The following AQR variants were observed in gnomAD, a reference collection of about 807,000 sequenced individuals.
The protein encoded by AQR is aquarius intron-binding spliceosomal factor.
Under a neutral mutation model 180.5 loss-of-function variants are expected in AQR, and 61 were observed. The ratio of observed to expected loss-of-function variants is 0.34; its 90% CI spans 0.28 to 0.42. The LOEUF (loss-of-function observed/expected upper bound fraction) is 0.42. Among genes scored for constraint, AQR ranks in the 10% least tolerant of loss-of-function variants. The pLI, the probability that AQR is intolerant of heterozygous loss-of-function variation, is 1.00. For missense variants in AQR, 1,281 were observed against 1,798.3 expected (o/e 0.71, Z 5.20); for synonymous variants, 551 against 588.8 (o/e 0.94, Z 0.93).
At position 34,969,630 on chromosome 15, in the gene AQR, C is replaced by A. The variant is rs369503873; in HGVS notation, c.-17G>T. ...GGCTGCCATGGCAGCACTCTTCCCT[C>A]CACTCCAGTGGAAACTAAAGGACCG... On this transcript the variant is annotated 5_prime_UTR_variant, in exon 1 of 35. Coordinates refer to ENST00000156471, the MANE Select transcript of AQR (RefSeq NM_014691.3). The A allele has an allele frequency of 7.4e-6, 12 of 1,611,936 alleles. No homozygotes were observed. Among genetic ancestry groups the A allele is most frequent in the Non-Finnish European group, 8.5e-6 (10 of 1,179,826 alleles).
At chr15:34,946,481 G>T (rs1298428256) in intron 5 of AQR, among the ~76,000 whole-genome samples, 3 of 142,564 alleles carry the variant, frequency 2.1e-5, no homozygotes, top group African/African-American at 5.2e-5. Flanking sequence ...GGAGGGAGGT[G>T]GGGGGGTCAG....
intron 14 of AQR, among the ~76,000 whole-genome samples, chr15:34,919,992 T>C (rs1893660036): frequency 6.6e-6 from 1 of 152,182 alleles, no homozygotes. Flanking sequence ...AGAGTTATTA[T>C]TAATTCCAAA....
At chr15:34,910,392 T>G in intron 16 of AQR, 79 bp from the exon 17 acceptor site, 1 of 1,458,758 alleles carries the variant, frequency 6.9e-7, no homozygotes, top group South Asian at 1.2e-5. Context: ...AACTAGTAAG[T>G]AGGAATACTG....
intron 20 of AQR, among the ~76,000 whole-genome samples, chr15:34,900,075 T>G (rs1016192373): frequency 1.3e-5 from 2 of 152,000 alleles, no homozygotes; most frequent in African/African-American, 4.8e-5. Flanking sequence ...TGAATTTTTT[T>G]AGAGATGGGG....
chr15:34,899,790 T>C lies in AQR; in HGVS notation c.2243+832A>G, dbSNP rs376580860. The stretch of plus-strand genomic sequence containing the variant: ...CTCAGTGCCTTACCACTAATCCATA[T>C]GAAGGAATTCAGGGAATAACAACCA... On this transcript the variant is annotated intron_variant, in intron 20 of 34. Transcript: ENST00000156471. 1.6e-4 allele frequency among the ~76,000 whole-genome samples: 24 copies of C among 152,260 alleles called. 6 individuals are homozygous for C. Among genetic ancestry groups the C allele is most frequent in the East Asian group, 3.9e-4 (2 of 5,190 alleles).
chr15:34,876,473 TCC>T (rs1239245554), intron 27 of AQR, among the ~76,000 whole-genome samples: 2 of 152,116 alleles, frequency 1.3e-5, no homozygotes, highest in African/African-American at 4.8e-5. Context: ...GGGCATTCAA[TCC>T]ATCACCAGAG....
At chr15:34,941,945 A>AT in intron 7 of AQR, 67 bp downstream of exon 7, 2 of 1,266,304 alleles carry the variant, frequency 1.6e-6, no homozygotes, top group Admixed American at 4.2e-5. Context: ...GATTAAGGCT[A>AT]TAGACTAAAA....
chr15:34,864,650 A>G lies in AQR; in HGVS notation c.3855-1609T>C, dbSNP rs138137900. The stretch of plus-strand genomic sequence containing the variant: ...GGGTTAGTGGTGGAAGCAGGTGATA[A>G]ACTGTTGTTTTCATGGTGATCTCTT... On this transcript the variant is annotated intron_variant, in intron 32 of 34. Transcript: ENST00000156471. Among the ~76,000 whole-genome samples the G allele has an allele frequency of 2.0e-3, 300 of 152,246 alleles. 1 individual carries two copies. The highest frequency in any genetic ancestry group is 3.0e-3 in the Non-Finnish European group (202 of 68,000).
intron 4 of AQR, among the ~76,000 whole-genome samples, chr15:34,952,136 T>G (rs1023235767): frequency 1.3e-5 from 2 of 152,196 alleles, no homozygotes; most frequent in Non-Finnish European, 2.9e-5. Flanking sequence ...GGCCCTGACC[T>G]CTGATGTAAA....
At position 34,860,186 on chromosome 15, in the gene AQR, C is replaced by G. The variant is rs774741173; in HGVS notation, c.4030-31G>C. 4.1e-6 allele frequency: 5 copies of G among 1,208,136 alleles called. No homozygotes were observed. The South Asian group carries it at 8.2e-5, about 20-fold the overall frequency. 74.8% of individuals were successfully genotyped at this position (1,208,136 alleles called of 1,614,324 possible). ...AGAAGGAAAAAAGAACGTTAAGTAT[C>G]TAGTAAAACAACCCTAGAAGGTAAC... On this transcript the variant is annotated intron_variant, in intron 33 of 34. Transcript: ENST00000156471.
chr15:34,964,467 C>G lies in AQR; in HGVS notation c.76-177G>C, dbSNP rs1018166815. ...CCAGTTGGCATCCTTGACCCCAAACCACTAAATGCCAGTAGTGCTTTGCAC... is the reference window on the plus strand; with the variant it reads ...CCAGTTGGCATCCTTGACCCCAAACGACTAAATGCCAGTAGTGCTTTGCAC... On this transcript the variant is annotated intron_variant, in intron 1 of 34. Transcript: ENST00000156471. 4.3e-6 allele frequency: 3 copies of G among 693,538 alleles called. No homozygotes were observed. The African/African-American group carries it at 5.3e-5, about 12-fold the overall frequency. The allele number at this position is 693,538 out of a possible 1,614,324, so 43.0% of individuals were successfully genotyped here.
At chr15:34,886,111 T>C (rs1287355282) in intron 25 of AQR, among the ~76,000 whole-genome samples, 2 of 152,198 alleles carry the variant, frequency 1.3e-5, no homozygotes, top group Non-Finnish European at 2.9e-5. Context: ...TAAGACATAA[T>C]TTATTTCTGG....
At chr15:34,928,442 C>T (rs776085891) in intron 12 of AQR, among the ~76,000 whole-genome samples, 8 of 152,020 alleles carry the variant, frequency 5.3e-5, no homozygotes, top group Admixed American at 6.5e-5. Context: ...TGAGAACATG[C>T]GGTGTTTGGT....
At chr15:34,954,809 C>CGAATTTTAAAG (rs1446813670) in intron 3 of AQR, among the ~76,000 whole-genome samples, 9 of 152,042 alleles carry the variant, frequency 5.9e-5, no homozygotes, top group African/African-American at 2.2e-4. Flanking sequence ...AACTAGACAC[C>CGAATTTTAAAG]ATGTCAGAAG....
At chr15:34,961,566 C>T (rs950352526) in intron 2 of AQR, among the ~76,000 whole-genome samples, 8 of 145,572 alleles carry the variant, frequency 5.5e-5, no homozygotes, top group Non-Finnish European at 7.5e-5. Context: ...GTCAAGATCG[C>T]GCCACTGCAC....
intron 34 of AQR, among the ~76,000 whole-genome samples, chr15:34,859,066 A>G (rs1892632158): frequency 6.6e-6 from 1 of 152,244 alleles, no homozygotes; most frequent in Admixed American, 6.5e-5. Flanking sequence ...GATACATTGA[A>G]CTTCATCAAA....
chr15:34,878,054 G>A (rs1211883617), intron 27 of AQR, among the ~76,000 whole-genome samples: 1 of 152,094 alleles, frequency 6.6e-6, no homozygotes, highest in Non-Finnish European at 1.5e-5. Flanking sequence ...GCGACTCTAA[G>A]GTAATATCTC....
intron 24 of AQR, 55 bp downstream of exon 24, chr15:34,890,160 T>G: frequency 6.9e-7 from 1 of 1,443,708 alleles, no homozygotes; most frequent in Non-Finnish European, 9.5e-7. Context: ...ATAAAAGAAA[T>G]GAAAAGAAAA....
intron 9 of AQR, among the ~76,000 whole-genome samples, chr15:34,935,019 C>T (rs1206611465): frequency 6.6e-6 from 1 of 152,072 alleles, no homozygotes; most frequent in Non-Finnish European, 1.5e-5. Context: ...ATTGTCTTTA[C>T]ATTCTAAACT....
Sources: gnomAD v4.1 joint callset for allele counts (sites outside exome capture counted in the v4.1 genomes callset) on GRCh38, gnomAD v4.1.1 for gene constraint, MANE v1.5 for transcripts, NCBI Gene and HGNC (gene_info 2026-07-23, HGNC 2026-07-21) for gene names.